GMDS: variants seen among roughly 807,000 people sequenced by gnomAD.
GMDS encodes GDP-mannose 4,6-dehydratase.
A neutral mutation model predicts 49.9 loss-of-function variants in GMDS; 20 were observed. That is an observed-to-expected ratio of 0.40 (90% CI 0.28 to 0.58). GMDS has a LOEUF of 0.58. GMDS is among the 20% of genes least tolerant of loss of function. The pLI is 0.42. For missense variants in GMDS, 362 were observed against 481.4 expected (o/e 0.75, Z 2.32); for synonymous variants, 177 against 178.6 (o/e 0.99, Z 0.07).
intron 9 of GMDS, among the ~76,000 whole-genome samples, chr6:1,706,865 C>T (rs1765758589): frequency 6.6e-6 from 1 of 152,182 alleles, no homozygotes; most frequent in Non-Finnish European, 1.5e-5. Flanking sequence ...TTTGGAAGGA[C>T]TGTGCTCAGT....
At chr6:1,733,137 A>C (rs962051834) in intron 8 of GMDS, among the ~76,000 whole-genome samples, 3 of 152,222 alleles carry the variant, frequency 2.0e-5, no homozygotes, top group Non-Finnish European at 2.9e-5. Flanking sequence ...TGGCTCCATC[A>C]ACATTCCAGA....
At chr6:1,661,846 T>C (rs1256683845) in intron 9 of GMDS, among the ~76,000 whole-genome samples, 1 of 151,848 alleles carries the variant, frequency 6.6e-6, no homozygotes, top group Non-Finnish European at 1.5e-5. Flanking sequence ...CAGTGGACAG[T>C]CGGATGTCAT....
chr6:1,928,970 A>AAAATAAATAAATAAAT (rs36003101), intron 7 of GMDS, among the ~76,000 whole-genome samples: 30 of 148,130 alleles, frequency 2.0e-4, no homozygotes, highest in South Asian at 6.5e-4. Context: ...CTCTGTCTCA[A>AAAATAAATAAATAAAT]AAATAAATAA....
chr6:1,940,955 C>T (rs1467275513), intron 6 of GMDS, among the ~76,000 whole-genome samples: 1 of 152,156 alleles, frequency 6.6e-6, no homozygotes, highest in Admixed American at 6.6e-5. Context: ...GGAGCACCCC[C>T]TCAATTATGT....
At chr6:2,109,268 A>C (rs1403933635) in intron 4 of GMDS, among the ~76,000 whole-genome samples, 1 of 152,206 alleles carries the variant, frequency 6.6e-6, no homozygotes, top group Admixed American at 6.6e-5. Flanking sequence ...TGCCTCCTTC[A>C]TCAGGACTTG....
chr6:1,731,219 G>A (rs908369681), intron 8 of GMDS, among the ~76,000 whole-genome samples: 10 of 151,384 alleles, frequency 6.6e-5, no homozygotes, highest in Non-Finnish European at 4.4e-5. Context: ...TGAAAAACCA[G>A]AAGAAGGAAG....
rs370357946 is a variant in GMDS, at chr6:1,652,543, TATATA to T, written c.988-28008_988-28004del. Among the ~76,000 whole-genome samples, 4 of 10,170 alleles carry T rather than the reference TATATA, an allele frequency of 3.9e-4. 1 individual carries two copies. Among genetic ancestry groups the T allele is most frequent in the African/African-American group, 5.5e-4 (2 of 3,650 alleles). 6.7% of individuals were successfully genotyped at this position (10,170 alleles called of 152,430 possible). On this transcript the variant is annotated intron_variant, in intron 9 of 10. Transcript: ENST00000380815. Reference sequence around the variant, plus strand: ...ATTTATATATAATATATATTATTTATATATAATATATTATATATATTATATATAAT... The same window carrying T: ...ATTTATATATAATATATATTATTTATATATATTATATATATTATATATAAT...
In GMDS at chr6:1,893,640, A is replaced by G. The variant is rs145724473; in HGVS notation, c.771+36463T>C. 4.4e-3 allele frequency among the ~76,000 whole-genome samples: 674 copies of G among 152,290 alleles called. 4 individuals carry two copies. The highest frequency in any genetic ancestry group is 0.016 in the African/African-American group (652 of 41,572). ...ATGCTGAAGTCATTTCCAGAGCTAA[A>G]TCGGGAAAGCTGAGGCAGCCAGGCC... On this transcript the variant is annotated intron_variant, in intron 7 of 10. Transcript: ENST00000380815.
intron 7 of GMDS, among the ~76,000 whole-genome samples, chr6:1,805,534 T>A (rs1386610978): frequency 6.6e-6 from 1 of 152,174 alleles, no homozygotes; most frequent in East Asian, 1.9e-4. Context: ...TTTATGATAA[T>A]ACTAGAACCA....
chr6:1,877,557 G>A (rs552815721), intron 7 of GMDS, among the ~76,000 whole-genome samples: 23 of 149,186 alleles, frequency 1.5e-4, no homozygotes, highest in East Asian at 1.0e-3. Context: ...AGGATCACTT[G>A]AGCCCAGGAA....
chr6:1,877,338 T>C (rs1205144800), intron 7 of GMDS, among the ~76,000 whole-genome samples: 4 of 151,622 alleles, frequency 2.6e-5, no homozygotes, highest in Non-Finnish European at 5.9e-5. Context: ...GGAGGAAAAA[T>C]TTACAATTAA....
chr6:2,002,472 T>C (rs560657559), intron 4 of GMDS, among the ~76,000 whole-genome samples: 7 of 152,362 alleles, frequency 4.6e-5, no homozygotes, highest in African/African-American at 1.7e-4. Flanking sequence ...GAGGATCTTT[T>C]AGGAACTAAT....
intron 7 of GMDS, among the ~76,000 whole-genome samples, chr6:1,752,065 G>T (rs1405666313): frequency 6.6e-6 from 1 of 152,160 alleles, no homozygotes; most frequent in Non-Finnish European, 1.5e-5. Flanking sequence ...GGCTTCAGAA[G>T]GTGGGTAACA....
intron 4 of GMDS, 58 bp downstream of exon 4, chr6:2,115,713 A>C: frequency 1.1e-6 from 1 of 872,068 alleles, no homozygotes; most frequent in Non-Finnish European, 2.0e-6. Context: ...AGCAGACACA[A>C]GTAAAATACA....
intron 4 of GMDS, among the ~76,000 whole-genome samples, chr6:1,977,983 T>C (rs1179321541): frequency 6.6e-6 from 1 of 152,216 alleles, no homozygotes; most frequent in East Asian, 1.9e-4. Context: ...AGCATCATTC[T>C]GCGGGCCCCA....
chr6:2,222,382 T>G (rs1274054232), intron 1 of GMDS, among the ~76,000 whole-genome samples: 5 of 152,210 alleles, frequency 3.3e-5, no homozygotes. Flanking sequence ...GCTTTCTCCC[T>G]CAACTGCTTC....
Position 2,022,981 on chromosome 6 carries a change from CCTCT to C in GMDS, c.346-62019_346-62016del, listed in dbSNP as rs775486932. On this transcript the variant is annotated intron_variant, in intron 4 of 10. Transcript: ENST00000380815. ...GGGTTTTTTTAATTACTTATAATTT[CCTCT>C]CTAATTTATTTCATTAAATACACAG... 3.3e-5 allele frequency among the ~76,000 whole-genome samples: 5 copies of C among 152,050 alleles called. No homozygotes were observed. In the East Asian group the frequency reaches 5.8e-4, roughly 18 times the overall value.
At chr6:2,010,462 G>A (rs1767493372) in intron 4 of GMDS, among the ~76,000 whole-genome samples, 1 of 151,668 alleles carries the variant, frequency 6.6e-6, no homozygotes, top group Non-Finnish European at 1.5e-5. Context: ...CAAGGATGAT[G>A]AGATTACTTG....
chr6:2,124,985 T>A (rs1775339761), intron 1 of GMDS, among the ~76,000 whole-genome samples: 1 of 152,226 alleles, frequency 6.6e-6, no homozygotes, highest in Non-Finnish European at 1.5e-5. Context: ...GAAAGTGATA[T>A]GCATCAACAG....
Sources: gnomAD v4.1 joint callset for allele counts (sites outside exome capture counted in the v4.1 genomes callset) on GRCh38, gnomAD v4.1.1 for gene constraint, MANE v1.5 for transcripts, NCBI Gene and HGNC (gene_info 2026-07-23, HGNC 2026-07-21) for gene names.